ZAR1: variants seen among roughly 807,000 people sequenced by gnomAD.
The protein encoded by ZAR1 is zygote arrest 1.
ZAR1 carries 37 observed loss-of-function variants against 38.3 expected under a neutral mutation model. The observed-to-expected ratio is 0.97, with a 90% CI of 0.74 to 1.27. The LOEUF is 1.27. Among genes scored for constraint, ZAR1 ranks in the 50% most tolerant of loss-of-function variants. The pLI, the probability that ZAR1 is intolerant of heterozygous loss-of-function variation, is 0.00. For synonymous variants in ZAR1, 336 were observed against 292.0 expected (o/e 1.15, Z -1.53); for missense variants, 651 against 632.4 (o/e 1.03, Z -0.32).
Position 48,491,119 on chromosome 4 carries a change from G to A in ZAR1, c.828G>A (p.Ser276=). Residue 276 remains serine (S), a synonymous_variant, in exon 1 of 4, where the codon TCG becomes TCA. Coordinates refer to ENST00000327939, the MANE Select transcript of ZAR1 (RefSeq NM_175619.3). ...EAQEGEAAPR[S]ALRSPGQPPS... is the part of the protein sequence containing the mutation. The stretch of plus-strand genomic sequence containing the variant: ...AGGAGGGCGAGGCGGCTCCGCGGTC[G>A]GCGCTAAGGAGCCCGGGGCAACCTC... The A allele has an allele frequency of 1.6e-6, 2 of 1,249,884 alleles. No individual in the cohort carries two copies. Among genetic ancestry groups the A allele is most frequent in the Non-Finnish European group, 2.0e-6 (2 of 998,658 alleles). 77.4% of individuals were successfully genotyped at this position (1,249,884 alleles called of 1,614,324 possible).
chr4:48,490,688 G>T lies in ZAR1; in HGVS notation c.397G>T (p.Asp133Tyr). Residue 133 changes from aspartate (D) to tyrosine (Y), a missense_variant, in exon 1 of 4, where the codon GAC (aspartate) becomes TAC (tyrosine). Asp to Tyr is a radical substitution (Grantham distance 160, BLOSUM62 -3). This residue lies in a region of ZAR1 where 522 missense variants were observed against 459.9 expected (regional missense o/e 1.14). Transcript: ENST00000327939. ...GCGCACGCTGCAGCGCCGGGCCCGCGACCCCGAGTCCCCGGCCGGCCCCGG... is the reference window on the plus strand; with the variant it reads ...GCGCACGCTGCAGCGCCGGGCCCGCTACCCCGAGTCCCCGGCCGGCCCCGG... Reference protein sequence around the residue: ...GRRTLQRRARDPESPAGPGAE... With the variant: ...GRRTLQRRARYPESPAGPGAE... The T allele has an allele frequency of 7.6e-7, 1 of 1,314,020 alleles. No individual in the cohort carries two copies. The highest frequency in any genetic ancestry group is 9.6e-7 in the Non-Finnish European group (1 of 1,036,318). The allele number at this position is 1,314,020 out of a possible 1,614,324, so 81.4% of individuals were successfully genotyped here.
chr4:48,492,052 G>C (rs144728652), intron 1 of ZAR1, among the ~76,000 whole-genome samples: 18 of 152,318 alleles, frequency 1.2e-4, no homozygotes, highest in African/African-American at 3.4e-4. Context: ...TGCGAGGAGT[G>C]AATCGAGAGG....
chr4:48,496,981 G>A (rs1322584602), downstream of ZAR1, among the ~76,000 whole-genome samples: 1 of 152,082 alleles, frequency 6.6e-6, no homozygotes, highest in East Asian at 1.9e-4. Context: ...AGCATGTAAT[G>A]ATTTCCTAAA....
downstream of ZAR1, among the ~76,000 whole-genome samples, chr4:48,495,771 A>AG (rs2148675761): frequency 6.6e-6 from 1 of 152,350 alleles, no homozygotes; most frequent in South Asian, 2.1e-4. Flanking sequence ...AGTTCAAATG[A>AG]GTCGAATGAG....
Position 48,491,053 on chromosome 4 carries a change from G to A in ZAR1, c.762G>A (p.Glu254=). ...AGGCCGCAGTCCGAGCGAGCTGGGA[G>A]CAGCCGGCCGACGGTCCCGAGCTGC... ...EAQAAVRASW[E]QPADGPELPP... The change falls in exon 1 of 4, where the codon GAG becomes GAA. Residue 254 remains glutamate, a synonymous_variant. Coordinates refer to ENST00000327939, the MANE Select transcript of ZAR1 (RefSeq NM_175619.3). 1 of 1,337,378 alleles carries A rather than the reference G, an allele frequency of 7.5e-7. No individual in the cohort carries two copies. The highest frequency in any genetic ancestry group is 9.5e-7 in the Non-Finnish European group (1 of 1,049,864). The allele number at this position is 1,337,378 out of a possible 1,614,324, so 82.8% of individuals were successfully genotyped here. A position where few individuals can be genotyped will look rare whatever the true frequency, so the allele number is the denominator to read the frequency against.
rs777614070 is a variant in ZAR1, at chr4:48,490,517, G to C, written c.226G>C (p.Asp76His). 6.1e-6 allele frequency: 9 copies of C among 1,474,192 alleles called. No homozygotes were observed. The highest frequency in any genetic ancestry group is 1.3e-5 in the South Asian group (1 of 76,472). The allele number at this position is 1,474,192 out of a possible 1,614,324, so 91.3% of individuals were successfully genotyped here. ...CGRLTAAEYF[D>H]SYQRERLMAL... ...GCGGCTGACGGCCGCCGAGTACTTC[G>C]ACAGCTACCAGCGGGAGCGGCTCAT... Residue 76 changes from aspartate (D) to histidine (H), a missense_variant, in exon 1 of 4, where the codon GAC becomes CAC. By Grantham distance (81) the Asp-to-His change is moderately conservative (BLOSUM62 -1). This residue lies in a region of ZAR1 where 522 missense variants were observed against 459.9 expected (regional missense o/e 1.14). Coordinates refer to ENST00000327939, the MANE Select transcript of ZAR1 (RefSeq NM_175619.3).
chr4:48,494,512 G>C, downstream of ZAR1: 1 of 413,718 alleles, frequency 2.4e-6, no homozygotes, highest in South Asian at 2.9e-5. Context: ...AGTGGGCCAG[G>C]CTCTGAGTTA....
Position 48,490,291 on chromosome 4 carries a change from C to T in ZAR1, c.-1C>T. On this transcript the variant is annotated 5_prime_UTR_variant, in exon 1 of 4. Transcript: ENST00000327939. ...CGGCGGCGGGCGGGAGCAGTGCGCC[C>T]ATGGCGGCCCTGGGGGACGAGGTGC... 2 of 1,500,768 alleles carry T rather than the reference C, an allele frequency of 1.3e-6. No homozygotes were observed. Among genetic ancestry groups the T allele is most frequent in the Non-Finnish European group, 1.8e-6 (2 of 1,131,230 alleles). 93.0% of individuals were successfully genotyped at this position (1,500,768 alleles called of 1,614,324 possible). A position where few individuals can be genotyped will look rare whatever the true frequency, so the allele number is the denominator to read the frequency against.
At chr4:48,494,479 A>AT, downstream of ZAR1, 1 of 504,296 alleles carries the variant, frequency 2.0e-6, no homozygotes, top group South Asian at 2.4e-5. Flanking sequence ...CTTCACCTTT[A>AT]TGAATGCTTG....
chr4:48,493,387 T>C (rs1718497711), intron 3 of ZAR1, among the ~76,000 whole-genome samples: 1 of 152,208 alleles, frequency 6.6e-6, no homozygotes, highest in Non-Finnish European at 1.5e-5. Context: ...AACCTTAAAG[T>C]ACTTAAGCAC....
chr4:48,492,065 A>G (rs967210386), intron 1 of ZAR1, among the ~76,000 whole-genome samples: 1 of 152,184 alleles, frequency 6.6e-6, no homozygotes, highest in Non-Finnish European at 1.5e-5. Flanking sequence ...TCGAGAGGCC[A>G]GGGCTTCCCA....
chr4:48,490,483 G>T lies in ZAR1; in HGVS notation c.192G>T (p.Pro64=). ...CSAGAASLSF[P]GCGRLTAAEY... is the part of the protein sequence containing the mutation. ...CGGGCGCGGCCTCGTTGTCCTTCCC[G>T]GGCTGCGGGCGGCTGACGGCCGCCG... Residue 64 remains proline (P), a synonymous_variant, in exon 1 of 4, where the codon CCG becomes CCT. Coordinates refer to ENST00000327939, the MANE Select transcript of ZAR1 (RefSeq NM_175619.3). 1 of 1,470,070 alleles carries T rather than the reference G, an allele frequency of 6.8e-7. No homozygotes were observed. Among genetic ancestry groups the T allele is most frequent in the Non-Finnish European group, 8.9e-7 (1 of 1,119,916 alleles). 91.1% of individuals were successfully genotyped at this position (1,470,070 alleles called of 1,614,324 possible). A position where few individuals can be genotyped will look rare whatever the true frequency, so the allele number is the denominator to read the frequency against.
downstream of ZAR1, chr4:48,494,524 G>A (rs1217570804): frequency 1.3e-5 from 5 of 379,954 alleles, no homozygotes; most frequent in Non-Finnish European, 2.4e-5. Flanking sequence ...TCTGAGTTAG[G>A]CTGCAGCCAC....
At chr4:48,493,182 A>C (rs1560483147) in intron 3 of ZAR1, among the ~76,000 whole-genome samples, 170 bp downstream of exon 3, 1 of 152,186 alleles carries the variant, frequency 6.6e-6, no homozygotes, top group Non-Finnish European at 1.5e-5. Context: ...CCTTGGTGTT[A>C]GCTTCTTTCT....
At chr4:48,494,490 C>T (rs1718533055), downstream of ZAR1, 2 of 476,938 alleles carry the variant, frequency 4.2e-6, no homozygotes, top group African/African-American at 2.0e-5. Flanking sequence ...TGAATGCTTG[C>T]TGATGGCATA....
intron 1 of ZAR1, among the ~76,000 whole-genome samples, chr4:48,492,345 C>CA (rs1718466486): frequency 6.6e-6 from 1 of 152,156 alleles, no homozygotes; most frequent in Admixed American, 6.5e-5. Flanking sequence ...AGTTAACTAG[C>CA]AGCATGAAGA....
chr4:48,493,157 A>G (rs1314963294), intron 3 of ZAR1, 145 bp downstream of exon 3: 2 of 700,968 alleles, frequency 2.9e-6, no homozygotes, highest in African/African-American at 3.6e-5. Context: ...AACAATACTC[A>G]GCTGGGAAAC....
At chr4:48,491,352 C>A in intron 1 of ZAR1, 98 bp downstream of exon 1, 1 of 986,882 alleles carries the variant, frequency 1.0e-6, no homozygotes, top group Non-Finnish European at 1.3e-6. Context: ...GGAGGTGCGG[C>A]GCTTCCCTAA....
chr4:48,493,162 G>T, intron 3 of ZAR1, 150 bp downstream of exon 3: 1 of 675,870 alleles, frequency 1.5e-6, no homozygotes, highest in Non-Finnish European at 2.5e-6. Context: ...TACTCAGCTG[G>T]GAAACGGGGC....
Sources: gnomAD v4.1 joint callset for allele counts (sites outside exome capture counted in the v4.1 genomes callset) on GRCh38, gnomAD v4.1.1 for gene constraint, gnomAD v4.1.1 regional missense constraint, MANE v1.5 for transcripts, NCBI Gene and HGNC (gene_info 2026-07-23, HGNC 2026-07-21) for gene names.